Variants in SHLD1 observed in about 807,000 individuals in gnomAD.
SHLD1 encodes the protein shieldin complex subunit 1.
A neutral mutation model predicts 5.5 loss-of-function variants in SHLD1; 3 were observed. That is an observed-to-expected ratio of 0.54 (90% CI 0.25 to 1.40). SHLD1 has a LOEUF of 1.40. SHLD1 is among the 40% of genes most tolerant of loss of function. SHLD1 has a pLI of 0.15. For missense variants in SHLD1, 210 were observed against 244.4 expected, an observed-to-expected ratio of 0.86 and a Z score of 0.94; for synonymous variants, 92 against 94.3, an observed-to-expected ratio of 0.98 and a Z score of 0.14.
intron 2 of SHLD1, among the ~76,000 whole-genome samples, chr20:5,780,436 A>C (rs181334068): frequency 2.0e-5 from 3 of 152,228 alleles, no homozygotes; most frequent in Admixed American, 2.0e-4. Flanking sequence ...GAATACCCAG[A>C]AATCCAGGCA....
intron 2 of SHLD1, among the ~76,000 whole-genome samples, chr20:5,785,675 A>G (rs1054968335): frequency 5.3e-5 from 8 of 151,836 alleles, no homozygotes; most frequent in African/African-American, 1.7e-4. Flanking sequence ...ACACGCCTGT[A>G]GTCTCAGCTA....
intron 2 of SHLD1, among the ~76,000 whole-genome samples, chr20:5,783,981 G>A (rs982173755): frequency 7.9e-5 from 12 of 151,986 alleles, no homozygotes; most frequent in South Asian, 2.1e-4. Context: ...GCAAAACGCC[G>A]TCTCTACTAA....
At chr20:5,764,527 C>CAAAAA (rs375996514) in intron 1 of SHLD1, among the ~76,000 whole-genome samples, 1 of 111,090 alleles carries the variant, frequency 9.0e-6, no homozygotes, top group Non-Finnish European at 1.8e-5. Context: ...GACCTTGTCT[C>CAAAAA]AAAAAAAAAA....
chr20:5,843,359 T>TTC (rs955246821), intron 2 of SHLD1, among the ~76,000 whole-genome samples: 2 of 151,870 alleles, frequency 1.3e-5, no homozygotes, highest in Admixed American at 6.6e-5. Context: ...TTTCTTTTTT[T>TTC]TCTCTCTCTC....
intron 2 of SHLD1, among the ~76,000 whole-genome samples, chr20:5,839,787 T>G (rs565308871): frequency 1.6e-4 from 25 of 152,338 alleles, no homozygotes; most frequent in Admixed American, 5.2e-4. Context: ...CAGGATGCTT[T>G]TAAGTATTCT....
At chr20:5,859,327 C>A (rs1219480901) in intron 2 of SHLD1, among the ~76,000 whole-genome samples, 5 of 152,144 alleles carry the variant, frequency 3.3e-5, no homozygotes, top group Non-Finnish European at 4.4e-5. Flanking sequence ...ATGGACCATT[C>A]TTTGTTTGTC....
At position 5,767,558 on chromosome 20, in the gene SHLD1, C is replaced by T. The variant is rs144810737; in HGVS notation, c.-4-5304C>T. Among the ~76,000 whole-genome samples the T allele has an allele frequency of 1.6e-4, 24 of 152,310 alleles. No individual in the cohort carries two copies. The East Asian group carries it at 3.7e-3, about 23-fold the overall frequency. The stretch of plus-strand genomic sequence containing the variant: ...ATTCATGTGCTCTTCCTTTCCCACC[C>T]GGACCACTGCAGGCGAATGAATTCT... On this transcript the variant is annotated intron_variant, in intron 1 of 2. Transcript: ENST00000303142.
intron 2 of SHLD1, among the ~76,000 whole-genome samples, chr20:5,791,538 T>C (rs2087139529): frequency 8.1e-6 from 1 of 123,488 alleles, no homozygotes; most frequent in Non-Finnish European, 1.6e-5. Context: ...CACTCCAGCG[T>C]GGACCACAAA....
At chr20:5,807,440 A>C (rs2087394860) in intron 2 of SHLD1, among the ~76,000 whole-genome samples, 1 of 149,284 alleles carries the variant, frequency 6.7e-6, no homozygotes, top group Non-Finnish European at 1.5e-5. Context: ...ATGCGATCAT[A>C]TCTCACTGCA....
chr20:5,827,797 C>G (rs535249890), intron 2 of SHLD1, among the ~76,000 whole-genome samples: 2 of 152,342 alleles, frequency 1.3e-5, no homozygotes, highest in South Asian at 4.1e-4. Context: ...TGATTCGACA[C>G]GTACTTCATT....
rs368015376 is a variant in SHLD1 at position 5,784,651 on chromosome 20, C to G, written c.178+11608C>G. On this transcript the variant is annotated intron_variant, in intron 2 of 2. Coordinates refer to ENST00000303142, the MANE Select transcript of SHLD1 (RefSeq NM_152504.4). The stretch of plus-strand genomic sequence containing the variant: ...ATTTTTAGTAGAGACGGGGTTTCAC[C>G]GTGTTAGCCAGGTTGGTCTCGATCG... 1.9e-4 allele frequency among the ~76,000 whole-genome samples: 29 copies of G among 152,136 alleles called. 1 individual carries two copies. Among genetic ancestry groups the G allele is most frequent in the African/African-American group, 6.0e-4 (25 of 41,516 alleles).
At chr20:5,794,651 T>G (rs2087186214) in intron 2 of SHLD1, among the ~76,000 whole-genome samples, 2 of 152,208 alleles carry the variant, frequency 1.3e-5, no homozygotes, top group Admixed American at 1.3e-4. Flanking sequence ...GTGCTTTGAT[T>G]TGTATTTGAA....
chr20:5,756,947 G>A (rs1163168165), intron 1 of SHLD1: 1 of 155,902 alleles, frequency 6.4e-6, no homozygotes, highest in Non-Finnish European at 1.4e-5. Flanking sequence ...GTACAATATT[G>A]AATAGAAGTG....
At position 5,806,908 on chromosome 20, in the gene SHLD1, T is replaced by C. The variant is rs534342882; in HGVS notation, c.178+33865T>C. Among the ~76,000 whole-genome samples the C allele has an allele frequency of 1.6e-4, 24 of 152,350 alleles. No homozygotes were observed. The highest frequency in any genetic ancestry group is 5.3e-4 in the African/African-American group (22 of 41,586). On this transcript the variant is annotated intron_variant, in intron 2 of 2. Transcript: ENST00000303142. This position sits in a 1 kb window ranked among gnomAD's most constrained non-coding sequence, Gnocchi z 7.6. ...ATGTATTTCCACTGAAGGACTTGATTTTAGCACCGAAGAGTGAGTGAGTGG... is the reference window on the plus strand; with the variant it reads ...ATGTATTTCCACTGAAGGACTTGATCTTAGCACCGAAGAGTGAGTGAGTGG...
At chr20:5,763,306 A>G (rs1015803027) in intron 1 of SHLD1, among the ~76,000 whole-genome samples, 4 of 150,624 alleles carry the variant, frequency 2.7e-5, no homozygotes, top group African/African-American at 7.3e-5. Flanking sequence ...AAAAAAAAAA[A>G]AAAAAAGAAC....
At position 5,775,923 on chromosome 20, in the gene SHLD1, A is replaced by ATT. The variant is rs533313849; in HGVS notation, c.178+2901_178+2902dup. On this transcript the variant is annotated intron_variant, in intron 2 of 2. Transcript: ENST00000303142. ...TGCAGTACTGCCTGGTCAGCTCAGG[A>ATT]TTTTTTTTTTTTTTTTTTTTTTGAG... Among the ~76,000 whole-genome samples the ATT allele has an allele frequency of 9.3e-4, 72 of 77,664 alleles. 7 individuals carry two copies. Among genetic ancestry groups the ATT allele is most frequent in the African/African-American group, 1.0e-3 (17 of 16,792 alleles). The allele number at this position is 77,664 out of a possible 152,430, so 51.0% of individuals were successfully genotyped here.
At chr20:5,857,578 G>A (rs1292948260) in intron 2 of SHLD1, among the ~76,000 whole-genome samples, 1 of 152,166 alleles carries the variant, frequency 6.6e-6, no homozygotes, top group Non-Finnish European at 1.5e-5. Flanking sequence ...GGAGGCCGAG[G>A]CGGGCAGATT....
chr20:5,845,598 C>T (rs549744303), intron 2 of SHLD1, among the ~76,000 whole-genome samples: 36 of 152,308 alleles, frequency 2.4e-4, no homozygotes, highest in Admixed American at 5.9e-4. Flanking sequence ...AATACCTTTG[C>T]GAAAACTGCT....
chr20:5,857,915 C>T (rs955821363), intron 2 of SHLD1, among the ~76,000 whole-genome samples: 2 of 151,534 alleles, frequency 1.3e-5, no homozygotes, highest in African/African-American at 2.4e-5. Flanking sequence ...CCGGCTAACA[C>T]GGTGAAACCC....
Sources: allele counts gnomAD v4.1 joint callset (sites outside exome capture counted in the v4.1 genomes callset), GRCh38; gene constraint gnomAD v4.1.1; non-coding constraint Gnocchi (gnomAD v3.1); transcripts MANE v1.5; gene names NCBI Gene and HGNC (gene_info 2026-07-23, HGNC 2026-07-21).